Variants in TMEM233 observed in about 807,000 individuals in gnomAD.
TMEM233 encodes the protein transmembrane protein 233.
A neutral mutation model predicts 11.2 loss-of-function variants in TMEM233; 6 were observed. The ratio of observed to expected loss-of-function variants is 0.54; its 90% CI spans 0.29 to 1.06. The LOEUF (loss-of-function observed/expected upper bound fraction) is 1.06, where lower values mean the gene tolerates loss of function less well. Ranked by LOEUF, TMEM233 falls within the 50% of genes least tolerant of loss-of-function variation. The pLI, the probability that TMEM233 is intolerant of heterozygous loss-of-function variation, is 0.08. For missense variants in TMEM233, 127 were observed against 144.7 expected (o/e 0.88, Z 0.63); for synonymous variants, 59 against 55.8 (o/e 1.06, Z -0.26).
chr12:119,615,641 A>G (rs571961337), intron 1 of TMEM233, among the ~76,000 whole-genome samples: 8 of 152,316 alleles, frequency 5.3e-5, no homozygotes, highest in African/African-American at 1.9e-4. Context: ...CTTCACTGGC[A>G]GCAATCCCAT....
chr12:119,599,745 G>A (rs930457186), intron 1 of TMEM233, among the ~76,000 whole-genome samples: 3 of 152,098 alleles, frequency 2.0e-5, no homozygotes, highest in Admixed American at 6.6e-5. Flanking sequence ...TTATGAAGTC[G>A]TGGAACTGCC....
At chr12:119,632,305 C>T (rs548409036) in intron 2 of TMEM233, among the ~76,000 whole-genome samples, 30 of 152,242 alleles carry the variant, frequency 2.0e-4, no homozygotes, top group African/African-American at 7.0e-4. Flanking sequence ...CCCAAAGCCT[C>T]ACAGCTAGTT....
At chr12:119,649,881 G>A in the TMEM233 span, among the ~76,000 whole-genome samples, 2 of 144,004 alleles carry the variant, frequency 1.4e-5, no homozygotes, top group East Asian at 3.9e-4. Flanking sequence ...AAAAAGGGCC[G>A]GGCGCGTTGG....
chr12:119,647,454 A>T (rs542504597), downstream of TMEM233, among the ~76,000 whole-genome samples: 12 of 151,618 alleles, frequency 7.9e-5, no homozygotes, highest in Admixed American at 6.6e-4. Context: ...TTTATTCTTC[A>T]TTTTTTTTGT....
At chr12:119,631,637 T>C (rs1954888925) in intron 2 of TMEM233, 1 of 985,246 alleles carries the variant, frequency 1.0e-6, no homozygotes, top group Admixed American at 6.2e-5. Context: ...AGGTGTAAGG[T>C]GCTTGTGAAC....
chr12:119,596,789 G>T (rs765437569), intron 1 of TMEM233, among the ~76,000 whole-genome samples: 3 of 152,060 alleles, frequency 2.0e-5, no homozygotes, highest in African/African-American at 4.8e-5. Flanking sequence ...CACTGCGCCC[G>T]GCCAAGTTTT....
intron 1 of TMEM233, among the ~76,000 whole-genome samples, chr12:119,613,487 A>G (rs1954453904): frequency 6.6e-6 from 1 of 152,320 alleles, no homozygotes; most frequent in South Asian, 2.1e-4. Flanking sequence ...CTGAGTCAGA[A>G]CCCACTGACT....
In TMEM233 at chr12:119,640,797, A is replaced by G. The variant is rs1955070544; in HGVS notation, c.*92A>G. On this transcript the variant is annotated 3_prime_UTR_variant, in exon 3 of 3. Transcript: ENST00000426426. Reference sequence around the variant, plus strand: ...TTCTAAGGAATGGATCCTTGACTTCAGACTGTGAGATCTTTTCCTCCAGGA... The same window carrying G: ...TTCTAAGGAATGGATCCTTGACTTCGGACTGTGAGATCTTTTCCTCCAGGA... 1 of 1,411,340 alleles carries G rather than the reference A, an allele frequency of 7.1e-7. No individual in the cohort carries two copies. Among genetic ancestry groups the G allele is most frequent in the Non-Finnish European group, 9.8e-7 (1 of 1,024,452 alleles). 87.4% of individuals were successfully genotyped at this position (1,411,340 alleles called of 1,614,324 possible).
chr12:119,601,201 T>G (rs1221297182), intron 1 of TMEM233, among the ~76,000 whole-genome samples: 1 of 152,148 alleles, frequency 6.6e-6, no homozygotes, highest in Non-Finnish European at 1.5e-5. Flanking sequence ...CTCAATAAAG[T>G]GAATGAAGCA....
rs1385677168 is a variant in TMEM233 at position 119,593,930 on chromosome 12, G to A, written c.82G>A (p.Glu28Lys). The stretch of plus-strand genomic sequence containing the variant: ...GGCCAACACTGAAGATGACAAGACC[G>A]AGGAGGACGTGCCCATGCCCAAGAA... ...PEANTEDDKT[E>K]EDVPMPKNYL... is the part of the protein sequence containing the mutation. The change falls in exon 1 of 3, where the codon GAG becomes AAG. Residue 28 changes from glutamate to lysine, a missense_variant. Coordinates refer to ENST00000426426, the MANE Select transcript of TMEM233 (RefSeq NM_001136534.3). The surrounding 1 kb of genome is among the most constrained non-coding windows in gnomAD (Gnocchi z 4.1). 11 of 1,551,622 alleles carry A rather than the reference G, an allele frequency of 7.1e-6. No homozygotes were observed. Among genetic ancestry groups the A allele is most frequent in the African/African-American group, 4.1e-5 (3 of 73,070 alleles).
At chr12:119,619,846 T>C (rs1417005280) in intron 1 of TMEM233, among the ~76,000 whole-genome samples, 1 of 152,156 alleles carries the variant, frequency 6.6e-6, no homozygotes, top group African/African-American at 2.4e-5. Context: ...TACTAGAAAA[T>C]TTAAAATCAC....
At chr12:119,618,708 T>A (rs1954585800) in intron 1 of TMEM233, among the ~76,000 whole-genome samples, 1 of 152,202 alleles carries the variant, frequency 6.6e-6, no homozygotes, top group Non-Finnish European at 1.5e-5. Context: ...GTGGAACAGA[T>A]GTATTTGCCC....
chr12:119,640,255 C>T lies in TMEM233; in HGVS notation c.324-444C>T, dbSNP rs539872029. Among the ~76,000 whole-genome samples, 5 of 152,254 alleles carry T rather than the reference C, an allele frequency of 3.3e-5. No homozygotes were observed. In the South Asian group the frequency reaches 6.2e-4, roughly 19 times the overall value. The stretch of plus-strand genomic sequence containing the variant: ...CTGCAAGCTCCGCCTCCCGGGTTCA[C>T]GCCATTCTCCTGCCTCAGCCTCCCA... On this transcript the variant is annotated intron_variant, in intron 2 of 2. Transcript: ENST00000426426.
At chr12:119,650,073 G>A in the TMEM233 span, among the ~76,000 whole-genome samples, 1 of 151,608 alleles carries the variant, frequency 6.6e-6, no homozygotes. Context: ...CAGGAGAATG[G>A]CGTGAACCCG....
At chr12:119,622,529 C>G (rs1954663383) in intron 1 of TMEM233, among the ~76,000 whole-genome samples, 1 of 152,088 alleles carries the variant, frequency 6.6e-6, no homozygotes, top group African/African-American at 2.4e-5. Context: ...CCATTTCCAC[C>G]GCTTCAGTCT....
At position 119,593,869 on chromosome 12, in the gene TMEM233, C is replaced by G; in HGVS notation, c.21C>G (p.Ser7Arg). ...CGCCCATGTCTCAGTACGCCCCTAG[C>G]CCGGACTTCAAGAGGGCTTTGGACA... MSQYAPSPDFKRALDSS... is the reference protein window; with the variant it reads MSQYAPRPDFKRALDSS... The change falls in exon 1 of 3, where the codon AGC (serine) becomes AGG (arginine). Residue 7 changes from serine (S) to arginine (R), a missense_variant. Coordinates refer to ENST00000426426, the MANE Select transcript of TMEM233 (RefSeq NM_001136534.3). This position sits in a 1 kb window ranked among gnomAD's most constrained non-coding sequence, Gnocchi z 4.1. 2.6e-6 allele frequency: 4 copies of G among 1,551,676 alleles called. No homozygotes were observed. The African/African-American group carries it at 5.5e-5, about 21-fold the overall frequency.
chr12:119,629,798 G>T lies in TMEM233; in HGVS notation c.249G>T (p.Lys83Asn), dbSNP rs1954842088. 1 of 1,551,740 alleles carries T rather than the reference G, an allele frequency of 6.4e-7. No individual in the cohort carries two copies. The highest frequency in any genetic ancestry group is 2.0e-5 in the Admixed American group (1 of 51,010). Reference protein sequence around the residue: ...EGARRLGRNAKWVAIASIIIG... With the variant: ...EGARRLGRNANWVAIASIIIG... ...CCAGGCGGCTTGGGCGGAATGCTAA[G>T]TGGGTAGCCATCGCCTCCATCATCA... The change falls in exon 2 of 3, where the codon AAG becomes AAT. Residue 83 changes from lysine to asparagine, a missense_variant. Physicochemically the swap from Lys to Asn is moderately conservative, Grantham distance 94. Transcript: ENST00000426426.
At chr12:119,625,528 A>G (rs1261831560) in intron 1 of TMEM233, among the ~76,000 whole-genome samples, 1 of 152,066 alleles carries the variant, frequency 6.6e-6, no homozygotes, top group Non-Finnish European at 1.5e-5. Context: ...CGCATACATA[A>G]CTTTTAAATA....
At chr12:119,633,680 A>G (rs934832452) in intron 2 of TMEM233, among the ~76,000 whole-genome samples, 41 of 152,210 alleles carry the variant, frequency 2.7e-4, no homozygotes, top group African/African-American at 8.4e-4. Context: ...GAGAGAAAGA[A>G]GGAAAGAGGC....
Sources: allele counts gnomAD v4.1 joint callset (sites outside exome capture counted in the v4.1 genomes callset), GRCh38; gene constraint gnomAD v4.1.1; non-coding constraint Gnocchi (gnomAD v3.1); transcripts MANE v1.5; gene names NCBI Gene and HGNC (gene_info 2026-07-23, HGNC 2026-07-21).